SQOR: variants seen among roughly 807,000 people sequenced by gnomAD.
The protein encoded by SQOR is sulfide quinone oxidoreductase.
Under a neutral mutation model 48.6 loss-of-function variants are expected in SQOR, and 39 were observed. The observed-to-expected ratio is 0.80, with a 90% CI of 0.62 to 1.05. SQOR has a LOEUF of 1.05. Among genes scored for constraint, SQOR ranks in the 50% least tolerant of loss-of-function variants. The pLI is 0.00. For synonymous variants in SQOR, 220 were observed against 206.2 expected (o/e 1.07, Z -0.57); for missense variants, 561 against 559.9 (o/e 1.00, Z -0.02).
chr15:45,668,860 C>A (rs1015673661), intron 3 of SQOR, among the ~76,000 whole-genome samples: 7 of 152,110 alleles, frequency 4.6e-5, no homozygotes, highest in African/African-American at 1.7e-4. Context: ...CACTTTTTGG[C>A]CTAAACTTGT....
chr15:45,681,781 A>C (rs2140960874), intron 6 of SQOR, among the ~76,000 whole-genome samples: 1 of 152,358 alleles, frequency 6.6e-6, no homozygotes, highest in South Asian at 2.1e-4. Context: ...AAAAGTGATT[A>C]GGATGGGTCA....
At chr15:45,658,777 G>A in intron 1 of SQOR, 130 bp from the exon 2 acceptor site, 1 of 670,910 alleles carries the variant, frequency 1.5e-6, no homozygotes, top group Non-Finnish European at 2.4e-6. Flanking sequence ...TGGGGAAAGT[G>A]GTCTTGAGAG....
intron 4 of SQOR, among the ~76,000 whole-genome samples, chr15:45,672,250 G>T (rs959638571): frequency 6.6e-6 from 1 of 152,060 alleles, no homozygotes; most frequent in Non-Finnish European, 1.5e-5. Flanking sequence ...AAGATTCTGG[G>T]CAGGGCTCCA....
In SQOR at chr15:45,673,683, G is replaced by A; in HGVS notation, c.536G>A (p.Trp179Ter). 1 of 1,614,186 alleles carries A rather than the reference G, an allele frequency of 6.2e-7. No homozygotes were observed. Among genetic ancestry groups the A allele is most frequent in the Non-Finnish European group, 8.5e-7 (1 of 1,180,030 alleles). Residue 179 changes from tryptophan to a stop codon, truncating the protein, a stop_gained, in exon 5 of 10, where the codon TGG (tryptophan) becomes TAG (stop). Transcript: ENST00000260324. LOFTEE classifies it high-confidence loss of function. Reference protein sequence around the residue: ...NYSVKTVEKTWKALQDFKEGN... With the variant: ...NYSVKTVEKT ...TCAGTTAAGACTGTAGAGAAGACATGGAAAGCTCTGCAGGACTTCAAAGAG... is the reference window on the plus strand; with the variant it reads ...TCAGTTAAGACTGTAGAGAAGACATAGAAAGCTCTGCAGGACTTCAAAGAG...
intron 1 of SQOR, among the ~76,000 whole-genome samples, chr15:45,648,455 C>T (rs900002304): frequency 2.0e-5 from 3 of 152,204 alleles, no homozygotes; most frequent in Non-Finnish European, 4.4e-5. Context: ...GGATTACAGG[C>T]GTGAGCCACC....
intron 6 of SQOR, among the ~76,000 whole-genome samples, chr15:45,678,727 A>G (rs1890077380): frequency 6.6e-6 from 1 of 151,582 alleles, no homozygotes; most frequent in Admixed American, 6.6e-5. Context: ...GTCTCAAATT[A>G]CTGCTGTTTG....
At chr15:45,675,368 G>C (rs1042831789) in intron 5 of SQOR, among the ~76,000 whole-genome samples, 7 of 151,846 alleles carry the variant, frequency 4.6e-5, no homozygotes, top group African/African-American at 1.7e-4. Context: ...AGGAACTCAG[G>C]GTTTTGTTGT....
At chr15:45,662,395 A>C (rs1595501096) in intron 3 of SQOR, among the ~76,000 whole-genome samples, 1 of 152,304 alleles carries the variant, frequency 6.6e-6, no homozygotes, top group East Asian at 1.9e-4. Flanking sequence ...ACTATCTTGC[A>C]CCTGAATGTT....
At chr15:45,636,182 A>G (rs1895001690) in intron 1 of SQOR, among the ~76,000 whole-genome samples, 1 of 152,108 alleles carries the variant, frequency 6.6e-6, no homozygotes, top group Non-Finnish European at 1.5e-5. Flanking sequence ...TATAAAGGAA[A>G]CCAATTGCAA....
intron 9 of SQOR, 93 bp from the exon 10 acceptor site, chr15:45,690,880 G>C: frequency 9.2e-7 from 1 of 1,082,102 alleles, no homozygotes; most frequent in Non-Finnish European, 1.4e-6. Flanking sequence ...AACATGCTCT[G>C]TGAGCAGCCT....
intron 6 of SQOR, among the ~76,000 whole-genome samples, chr15:45,681,006 C>T (rs781388338): frequency 2.4e-4 from 36 of 151,966 alleles, no homozygotes; most frequent in Non-Finnish European, 3.8e-4. Flanking sequence ...CCCAGGAGTT[C>T]GAGACCAGCC....
At chr15:45,670,780 GT>G (rs1399138671) in intron 4 of SQOR, among the ~76,000 whole-genome samples, 1 of 152,210 alleles carries the variant, frequency 6.6e-6, no homozygotes. Context: ...CTTGGGTTGT[GT>G]TGTGGGAAAG....
intron 1 of SQOR, among the ~76,000 whole-genome samples, chr15:45,645,348 T>C (rs1394420318): frequency 6.6e-6 from 1 of 151,990 alleles, no homozygotes; most frequent in Non-Finnish European, 1.5e-5. Context: ...AGTCAGAGGG[T>C]GTGATGGTTA....
chr15:45,674,118 A>G (rs1889992753), intron 5 of SQOR: 1 of 297,048 alleles, frequency 3.4e-6, no homozygotes, highest in South Asian at 3.8e-5. Context: ...AGTCTTTGTT[A>G]CATACTTTTT....
intron 5 of SQOR, among the ~76,000 whole-genome samples, chr15:45,674,703 A>T (rs1177273740): frequency 6.6e-6 from 1 of 152,198 alleles, no homozygotes; most frequent in Non-Finnish European, 1.5e-5. Context: ...GCAGGAGGAG[A>T]CTTTCTCAGC....
intron 3 of SQOR, among the ~76,000 whole-genome samples, chr15:45,666,799 C>G (rs1889828106): frequency 1.7e-5 from 1 of 59,248 alleles, no homozygotes. Context: ...TCTCTCCCCT[C>G]CCCTCCTCTC....
At position 45,658,965 on chromosome 15, in the gene SQOR, G is replaced by A. The variant is rs142221428; in HGVS notation, c.42G>A (p.Gln14=). The part of the protein sequence containing the change: ...LVAVVSGPRA[Q]LFACLLRLGT... The stretch of plus-strand genomic sequence containing the variant: ...CTGTGGTATCAGGGCCCCGTGCCCA[G>A]CTCTTTGCCTGCCTGCTCAGGCTGG... Residue 14 remains glutamine (Q), a synonymous_variant, in exon 2 of 10, where the codon CAG becomes CAA. Coordinates refer to ENST00000260324, the MANE Select transcript of SQOR (RefSeq NM_021199.4). The A allele has an allele frequency of 2.4e-5, 38 of 1,588,946 alleles. No homozygotes were observed. Among genetic ancestry groups the A allele is most frequent in the Non-Finnish European group, 2.9e-5 (34 of 1,165,888 alleles).
Position 45,651,621 on chromosome 15 carries a change from G to A in SQOR, c.-17-7286G>A, listed in dbSNP as rs534020759. Among the ~76,000 whole-genome samples, 13 of 152,306 alleles carry A rather than the reference G, an allele frequency of 8.5e-5. No individual in the cohort carries two copies. The East Asian group carries it at 2.1e-3, about 25-fold the overall frequency. On this transcript the variant is annotated intron_variant, in intron 1 of 9. Coordinates refer to ENST00000260324, the MANE Select transcript of SQOR (RefSeq NM_021199.4). The stretch of plus-strand genomic sequence containing the variant: ...ACTACAGGCATGTGCCACTATGCCC[G>A]TCTAATTTCTTTTTTTTTGTATTTT...
chr15:45,633,969 G>A (rs1237403701), upstream of SQOR, among the ~76,000 whole-genome samples: 1 of 151,238 alleles, frequency 6.6e-6, no homozygotes, highest in Non-Finnish European at 1.5e-5. Flanking sequence ...GAGGCCAGGA[G>A]TTTGAGACCA....
Sources: gnomAD v4.1 joint callset for allele counts (sites outside exome capture counted in the v4.1 genomes callset) on GRCh38, gnomAD v4.1.1 for gene constraint, MANE v1.5 for transcripts, NCBI Gene and HGNC (gene_info 2026-07-23, HGNC 2026-07-21) for gene names.